Variants in ITPR1 observed in about 807,000 individuals in gnomAD.
ITPR1 encodes inositol 1,4,5-trisphosphate receptor type 1, also known as inositol 1,4,5-trisphosphate-gated calcium channel ITPR1.
ITPR1 carries 96 observed loss-of-function variants against 318.4 expected under a neutral mutation model. The ratio of observed to expected loss-of-function variants is 0.30; its 90% CI spans 0.26 to 0.36. The LOEUF is 0.36. Among genes scored for constraint, ITPR1 ranks in the 10% least tolerant of loss-of-function variants. The pLI is 1.00. For missense variants in ITPR1, 2,440 were observed against 3,460.2 expected (o/e 0.71, Z 7.40); for synonymous variants, 1,312 against 1,289.9 (o/e 1.02, Z -0.37).
At chr3:4,625,510 G>T (rs1002716439) in intron 4 of ITPR1, among the ~76,000 whole-genome samples, 1 of 152,080 alleles carries the variant, frequency 6.6e-6, no homozygotes, top group Non-Finnish European at 1.5e-5. Flanking sequence ...CCTACTTTCA[G>T]GGTGTCATTT....
At position 4,505,348 on chromosome 3, in the gene ITPR1, A is replaced by G. The variant is rs375939714; in HGVS notation, c.-17+10842A>G. Among the ~76,000 whole-genome samples, 8 of 151,986 alleles carry G rather than the reference A, an allele frequency of 5.3e-5. 1 individual carries two copies. The East Asian group carries it at 1.2e-3, about 22-fold the overall frequency. ...GCTGGGACTACAAGCACAAGCCACCACGCCTGGCTAATTTTTGTATTCTTA... is the reference window on the plus strand; with the variant it reads ...GCTGGGACTACAAGCACAAGCCACCGCGCCTGGCTAATTTTTGTATTCTTA... On this transcript the variant is annotated intron_variant, in intron 2 of 61. Coordinates refer to ENST00000649015, the MANE Select transcript of ITPR1 (RefSeq NM_001378452.1).
Position 4,690,014 on chromosome 3 carries a change from C to T in ITPR1, c.3829-1130C>T, listed in dbSNP as rs555132066. Among the ~76,000 whole-genome samples, 445 of 152,316 alleles carry T rather than the reference C, an allele frequency of 2.9e-3. 3 individuals are homozygous for T. Among genetic ancestry groups the T allele is most frequent in the Middle Eastern group, 0.017 (5 of 294 alleles). ...AAAATAGGCCAGGCATGGTGGCTCA[C>T]GCCTGTAATCCCAGCACTTTGGGAG... On this transcript the variant is annotated intron_variant, in intron 31 of 61. Transcript: ENST00000649015.
intron 2 of ITPR1, among the ~76,000 whole-genome samples, chr3:4,514,910 G>A (rs2082076089): frequency 6.6e-6 from 1 of 152,180 alleles, no homozygotes; most frequent in South Asian, 2.1e-4. Context: ...TAGTTACGAA[G>A]AATTAAACAA....
chr3:4,641,545 T>G (rs2093338988), intron 6 of ITPR1, among the ~76,000 whole-genome samples: 1 of 152,088 alleles, frequency 6.6e-6, no homozygotes, highest in Non-Finnish European at 1.5e-5. Flanking sequence ...CTTGGTTAAT[T>G]TTAAATATTT....
intron 1 of ITPR1, among the ~76,000 whole-genome samples, 191 bp from the exon 2 acceptor site, chr3:4,494,240 A>T (rs2080374655): frequency 6.6e-6 from 1 of 152,230 alleles, no homozygotes; most frequent in African/African-American, 2.4e-5. Context: ...ACATCCTGGA[A>T]ATAAGTAAGC....
intron 44 of ITPR1, among the ~76,000 whole-genome samples, chr3:4,745,851 A>G (rs953863377): frequency 6.6e-6 from 1 of 152,136 alleles, no homozygotes; most frequent in Non-Finnish European, 1.5e-5. Flanking sequence ...CGTGTTCCAT[A>G]GCTTTCTCAG....
At chr3:4,661,362 C>G (rs1443702244) in intron 14 of ITPR1, among the ~76,000 whole-genome samples, 1 of 152,202 alleles carries the variant, frequency 6.6e-6, no homozygotes, top group African/African-American at 2.4e-5. Context: ...CATTTCATGA[C>G]TGTCTGAAGG....
At chr3:4,577,937 A>G (rs1220054600) in intron 4 of ITPR1, among the ~76,000 whole-genome samples, 1 of 152,194 alleles carries the variant, frequency 6.6e-6, no homozygotes, top group African/African-American at 2.4e-5. Context: ...TCAATCTTAC[A>G]TTACTGCATA....
intron 43 of ITPR1, among the ~76,000 whole-genome samples, chr3:4,734,229 C>T (rs1182298239): frequency 1.3e-5 from 2 of 152,196 alleles, no homozygotes; most frequent in Non-Finnish European, 2.9e-5. Context: ...CACATAATCT[C>T]TCAAAACCAT....
At chr3:4,799,643 T>C (rs1197302695) in intron 53 of ITPR1, among the ~76,000 whole-genome samples, 3 of 152,200 alleles carry the variant, frequency 2.0e-5, no homozygotes, top group African/African-American at 7.2e-5. Flanking sequence ...TAGGGGTGTT[T>C]TTTTTTTAAT....
intron 36 of ITPR1, 42 bp from the exon 37 acceptor site, chr3:4,706,125 C>G: frequency 6.2e-7 from 1 of 1,609,564 alleles, no homozygotes; most frequent in Non-Finnish European, 8.5e-7. Flanking sequence ...GGGTGTCCCC[C>G]ATAAAAGTTG....
rs749707766 is a variant in ITPR1, at chr3:4,681,352, C to G, written c.3107-12C>G. ...CTTCCTGCATCTGAAGTGGTATGTTCTAACTTTTCAGGTGCTCTTGACTTT... is the reference window on the plus strand; with the variant it reads ...CTTCCTGCATCTGAAGTGGTATGTTGTAACTTTTCAGGTGCTCTTGACTTT... On this transcript the variant is annotated splice_polypyrimidine_tract_variant and intron_variant, in intron 25 of 61. Coordinates refer to ENST00000649015, the MANE Select transcript of ITPR1 (RefSeq NM_001378452.1). The G allele has an allele frequency of 1.9e-6, 3 of 1,605,044 alleles. No homozygotes were observed. Among genetic ancestry groups the G allele is most frequent in the Non-Finnish European group, 1.7e-6 (2 of 1,172,024 alleles).
chr3:4,717,021 T>C (rs2041816771), intron 39 of ITPR1, among the ~76,000 whole-genome samples: 1 of 152,178 alleles, frequency 6.6e-6, no homozygotes, highest in Admixed American at 6.5e-5. Flanking sequence ...TCCCACCCTC[T>C]TCGGAAAAAA....
At chr3:4,530,668 C>T (rs1248126400) in intron 4 of ITPR1, among the ~76,000 whole-genome samples, 1 of 152,060 alleles carries the variant, frequency 6.6e-6, no homozygotes, top group Non-Finnish European at 1.5e-5. Context: ...GTAGTCCCTG[C>T]TACACAGGAG....
chr3:4,623,635 A>G (rs1276298915), intron 4 of ITPR1, among the ~76,000 whole-genome samples: 1 of 152,176 alleles, frequency 6.6e-6, no homozygotes, highest in African/African-American at 2.4e-5. Context: ...TGCAAGTTTA[A>G]TTTTGCTCTG....
intron 2 of ITPR1, among the ~76,000 whole-genome samples, 194 bp downstream of exon 2, chr3:4,494,700 G>C (rs1012607004): frequency 6.6e-6 from 1 of 152,236 alleles, no homozygotes; most frequent in Non-Finnish European, 1.5e-5. Flanking sequence ...CCGTTTCTTG[G>C]AAGTAGCTGA....
chr3:4,493,905 T>G (rs1026072651), intron 1 of ITPR1, among the ~76,000 whole-genome samples: 1 of 148,000 alleles, frequency 6.8e-6, no homozygotes, highest in Non-Finnish European at 1.5e-5. Context: ...TTTTTTTTTT[T>G]GAAGAGAGGT....
Position 4,725,582 on chromosome 3 carries a change from G to C in ITPR1, c.5172+1G>C. 3.8e-6 allele frequency: 6 copies of C among 1,598,834 alleles called. No individual in the cohort carries two copies. Among genetic ancestry groups the C allele is most frequent in the African/African-American group, 1.3e-5 (1 of 75,022 alleles). On this transcript the variant is annotated splice_donor_variant, in intron 41 of 61. Transcript: ENST00000649015. LOFTEE classifies it high-confidence loss of function. ...TCCGGATTCTGAGAACGCCACTGAG[G>C]TGTGTTGCCCGCCTATATTTGTAGC... is the stretch of plus-strand genomic sequence containing the variant.
At chr3:4,571,175 C>T (rs1370553914) in intron 4 of ITPR1, among the ~76,000 whole-genome samples, 1 of 152,094 alleles carries the variant, frequency 6.6e-6, no homozygotes, top group Non-Finnish European at 1.5e-5. Flanking sequence ...GGCCTGCCCA[C>T]CTATGGTAAA....
Sources: allele counts gnomAD v4.1 joint callset (sites outside exome capture counted in the v4.1 genomes callset), GRCh38; gene constraint gnomAD v4.1.1; transcripts MANE v1.5; gene names NCBI Gene and HGNC (gene_info 2026-07-23, HGNC 2026-07-21).